MRPS35: variants seen among roughly 807,000 people sequenced by gnomAD.
MRPS35 encodes small ribosomal subunit protein mS35.
In MRPS35, 29 loss-of-function variants were observed where a neutral mutation model predicts 32.7. That is an observed-to-expected ratio of 0.89 (90% CI 0.66 to 1.21). MRPS35 has a LOEUF of 1.21. Among genes scored for constraint, MRPS35 ranks in the 50% most tolerant of loss-of-function variants. The pLI, the probability that MRPS35 is intolerant of heterozygous loss-of-function variation, is 0.00. For missense variants in MRPS35, 373 were observed against 383.8 expected (o/e 0.97, Z 0.23); for synonymous variants, 148 against 139.3 (o/e 1.06, Z -0.44).
At chr12:27,711,562 G>A (rs997293943) in intron 1 of MRPS35, among the ~76,000 whole-genome samples, 1 of 152,074 alleles carries the variant, frequency 6.6e-6, no homozygotes, top group East Asian at 1.9e-4. Flanking sequence ...AGGAGGAGCT[G>A]GCGTGAGTCT....
At chr12:27,714,744 A>G in intron 1 of MRPS35, 36 bp from the exon 2 acceptor site, 1 of 1,542,460 alleles carries the variant, frequency 6.5e-7, no homozygotes, top group South Asian at 1.1e-5. Context: ...ACATGATAAA[A>G]TTCTCTTTAA....
Position 27,719,717 on chromosome 12 carries a change from T to C in MRPS35, c.322-91T>C, listed in dbSNP as rs116516129. Reference sequence around the variant, plus strand: ...CAGATTTTATTTACTACATGTTTTATTGGGCCTGTGATTTAGTTTTATGAG... The same window carrying C: ...CAGATTTTATTTACTACATGTTTTACTGGGCCTGTGATTTAGTTTTATGAG... On this transcript the variant is annotated intron_variant, in intron 3 of 7. Coordinates refer to ENST00000081029, the MANE Select transcript of MRPS35 (RefSeq NM_021821.4). 1,706 of 798,686 alleles carry C rather than the reference T, an allele frequency of 2.1e-3. 22 individuals are homozygous for C. The African/African-American group carries it at 0.025, about 12-fold the overall frequency. 49.5% of individuals were successfully genotyped at this position (798,686 alleles called of 1,614,324 possible).
chr12:27,743,019 C>T (rs565509193), intron 7 of MRPS35, among the ~76,000 whole-genome samples: 75 of 151,926 alleles, frequency 4.9e-4, no homozygotes, highest in South Asian at 1.5e-3. Context: ...TGTCACCATG[C>T]GGAGCTAATT....
intron 6 of MRPS35, 80 bp downstream of exon 6, chr12:27,735,636 A>C: frequency 9.6e-7 from 1 of 1,040,244 alleles, no homozygotes. Context: ...CTTTTTAAAG[A>C]AACTATATTG....
intron 1 of MRPS35, 132 bp downstream of exon 1, chr12:27,711,087 C>T (rs2061818957): frequency 1.3e-6 from 1 of 783,672 alleles, no homozygotes; most frequent in Non-Finnish European, 2.1e-6. Flanking sequence ...CCAGGCCCGT[C>T]TGGTAGGAAA....
intron 6 of MRPS35, among the ~76,000 whole-genome samples, chr12:27,737,141 A>G (rs746964280): frequency 2.0e-5 from 3 of 152,244 alleles, no homozygotes; most frequent in South Asian, 2.1e-4. Flanking sequence ...CTCCGGGATT[A>G]CAGGCATGAG....
At chr12:27,731,997 T>C (rs2061923927) in intron 5 of MRPS35, among the ~76,000 whole-genome samples, 1 of 152,346 alleles carries the variant, frequency 6.6e-6, no homozygotes, top group East Asian at 1.9e-4. Flanking sequence ...ACAGTATATG[T>C]TTACTGTATA....
chr12:27,752,067 C>T (rs1565472641), intron 7 of MRPS35, among the ~76,000 whole-genome samples: 1 of 138,056 alleles, frequency 7.2e-6, no homozygotes, highest in African/African-American at 2.9e-5. Context: ...ATAGCAAGAC[C>T]CTGTCTCTAC....
chr12:27,714,925 G>T (rs1309533530), intron 2 of MRPS35, 105 bp downstream of exon 2: 1 of 980,358 alleles, frequency 1.0e-6, no homozygotes, highest in African/African-American at 1.6e-5. Flanking sequence ...GACTTCACAA[G>T]GTCATGTTTA....
intron 5 of MRPS35, among the ~76,000 whole-genome samples, chr12:27,724,673 G>A (rs2061892507): frequency 6.6e-6 from 1 of 151,996 alleles, no homozygotes; most frequent in African/African-American, 2.4e-5. Context: ...AACCCGGGAG[G>A]CAGAGGTTGC....
At chr12:27,730,789 T>C (rs948428356) in intron 5 of MRPS35, among the ~76,000 whole-genome samples, 1 of 152,166 alleles carries the variant, frequency 6.6e-6, no homozygotes, top group African/African-American at 2.4e-5. Flanking sequence ...TCAGTGATGA[T>C]GCTAATCTTC....
Position 27,735,479 on chromosome 12 carries a change from C to A in MRPS35, c.555C>A (p.His185Gln). The A allele has an allele frequency of 6.2e-7, 1 of 1,609,966 alleles. No individual in the cohort carries two copies. The highest frequency in any genetic ancestry group is 1.7e-5 in the Admixed American group (1 of 59,402). The change falls in exon 6 of 8, where the codon CAC (histidine) becomes CAA (glutamine). Residue 185 changes from histidine (H) to glutamine (Q), a missense_variant. Physicochemically the swap from His to Gln is conservative, Grantham distance 24. Transcript: ENST00000081029. ...TTTCCAGTTTGAATTTAGATGATCA[C>A]GCAAAGAAGAAATTAATTAAACTTG... ...VKLSSLNLDD[H>Q]AKKKLIKLVG...
chr12:27,722,259 C>A (rs1307231943), intron 4 of MRPS35, among the ~76,000 whole-genome samples: 1 of 152,148 alleles, frequency 6.6e-6, no homozygotes, highest in Non-Finnish European at 1.5e-5. Context: ...GATTTTATAT[C>A]TAACTTGCAA....
chr12:27,737,867 T>A (rs1351254446), intron 7 of MRPS35, among the ~76,000 whole-genome samples: 1 of 152,212 alleles, frequency 6.6e-6, no homozygotes, highest in Non-Finnish European at 1.5e-5. Context: ...TGACTTTGTT[T>A]TTCTTTTTTT....
At chr12:27,713,877 C>A (rs979086987) in intron 1 of MRPS35, among the ~76,000 whole-genome samples, 5 of 152,170 alleles carry the variant, frequency 3.3e-5, no homozygotes, top group African/African-American at 1.2e-4. Context: ...CGCTGGAGCT[C>A]AAGAGCTTGA....
intron 2 of MRPS35, 135 bp from the exon 3 acceptor site, chr12:27,716,156 G>C (rs2061849534): frequency 2.8e-6 from 2 of 717,608 alleles, no homozygotes; most frequent in Non-Finnish European, 4.3e-6. Flanking sequence ...AGCATTGTGG[G>C]AGGTCAGATT....
chr12:27,733,877 G>T (rs2061932043), intron 5 of MRPS35, among the ~76,000 whole-genome samples: 2 of 152,140 alleles, frequency 1.3e-5, no homozygotes, highest in South Asian at 4.1e-4. Context: ...AAAATTCACA[G>T]TGCTTTAAAA....
intron 5 of MRPS35, chr12:27,725,542 G>A (rs61915366): frequency 0.13 from 27,206 of 216,386 alleles, 2,098 homozygotes; most frequent in East Asian, 0.17. Context: ...TATAGCTCTT[G>A]AAGTTTGTTG....
At chr12:27,732,160 T>C (rs1801070134) in intron 5 of MRPS35, among the ~76,000 whole-genome samples, 1 of 152,188 alleles carries the variant, frequency 6.6e-6, no homozygotes, top group African/African-American at 2.4e-5. Flanking sequence ...TTGAGCTCTG[T>C]TGTGTGTTGA....
Sources: allele counts gnomAD v4.1 joint callset (sites outside exome capture counted in the v4.1 genomes callset), GRCh38; gene constraint gnomAD v4.1.1; transcripts MANE v1.5; gene names NCBI Gene and HGNC (gene_info 2026-07-23, HGNC 2026-07-21).